The following PKD1 variants were observed in gnomAD, a reference collection of about 807,000 sequenced individuals.
The protein encoded by PKD1 is polycystin-1.
In PKD1, 81 loss-of-function variants were observed where a neutral mutation model predicts 361.7. The ratio of observed to expected loss-of-function variants is 0.22; its 90% CI spans 0.19 to 0.27. The LOEUF is 0.27. Among genes scored for constraint, PKD1 ranks in the 10% least tolerant of loss-of-function variants. PKD1 has a pLI of 1.00. For missense variants in PKD1, 6,399 were observed against 6,118.3 expected (o/e 1.05, Z -1.53); for synonymous variants, 3,615 against 2,818.3 (o/e 1.28, Z -8.95).
At chr16:2,127,778 G>A (rs1025637774) in intron 1 of PKD1, among the ~76,000 whole-genome samples, 2 of 151,218 alleles carry the variant, frequency 1.3e-5, no homozygotes, top group East Asian at 2.0e-4. Context: ...CACACCAGAG[G>A]TGGAGGCGCT....
rs1211697062 is a variant in PKD1 at position 2,102,383 on chromosome 16, G to A, written c.9199C>T (p.Pro3067Ser). 15 of 1,556,142 alleles carry A rather than the reference G, an allele frequency of 9.6e-6. No homozygotes were observed. Among genetic ancestry groups the A allele is most frequent in the African/African-American group, 2.7e-5 (2 of 73,348 alleles). The change falls in exon 25 of 46, where the codon CCT becomes TCT. Residue 3067 changes from proline (P) to serine (S), a missense_variant and splice_region_variant. Coordinates refer to ENST00000262304, the MANE Select transcript of PKD1 (RefSeq NM_001009944.3). Reference protein sequence around the residue: ...VPPSHVRFVFPEPTADVNYIV... With the variant: ...VPPSHVRFVFSEPTADVNYIV... Reference sequence around the variant, plus strand: ...CCCAGGAGCACAGGGTCACTCACAGGAAACACAAAGCGGACATGGCTTGGG... The same window carrying A: ...CCCAGGAGCACAGGGTCACTCACAGAAAACACAAAGCGGACATGGCTTGGG...
chr16:2,090,821 A>C lies in PKD1; in HGVS notation c.12004-13T>G, dbSNP rs756774732. ...GCTGCTGGGCAGCCTGCGGACGAGA[A>C]ATCTGTCTGCTTGCAGCCCTGGGGT... is the stretch of plus-strand genomic sequence containing the variant. On this transcript the variant is annotated splice_polypyrimidine_tract_variant and intron_variant, in intron 43 of 45. Transcript: ENST00000262304. 9.3e-6 allele frequency: 15 copies of C among 1,612,052 alleles called. No homozygotes were observed. In the Admixed American group the frequency reaches 2.5e-4, roughly 27 times the overall value.
Position 2,089,625 on chromosome 16 carries a change from C to A in PKD1, c.*102G>T. The A allele has an allele frequency of 7.1e-7, 1 of 1,401,570 alleles. No individual in the cohort carries two copies. Among genetic ancestry groups the A allele is most frequent in the Non-Finnish European group, 9.8e-7 (1 of 1,021,660 alleles). 86.8% of individuals were successfully genotyped at this position (1,401,570 alleles called of 1,614,324 possible). ...CCCTGCCTGCTCTCTGGGGAACCTA[C>A]GTGCAGCCATTCTGCCTGGCCCTCG... On this transcript the variant is annotated 3_prime_UTR_variant, in exon 46 of 46. Coordinates refer to ENST00000262304, the MANE Select transcript of PKD1 (RefSeq NM_001009944.3).
chr16:2,118,653 T>C lies in PKD1; in HGVS notation c.529+23A>G, dbSNP rs1222665450. On this transcript the variant is annotated intron_variant, in intron 4 of 45. Coordinates refer to ENST00000262304, the MANE Select transcript of PKD1 (RefSeq NM_001009944.3). The surrounding 1 kb of genome is among the most constrained non-coding windows in gnomAD (Gnocchi z 6.0). ...CCCACCTGGCTGGGAAGGACAGAGCTGGCCCCACCCACCGGCACTCACCAC... is the reference window on the plus strand; with the variant it reads ...CCCACCTGGCTGGGAAGGACAGAGCCGGCCCCACCCACCGGCACTCACCAC... 4 of 1,331,004 alleles carry C rather than the reference T, an allele frequency of 3.0e-6. No homozygotes were observed. The African/African-American group carries it at 4.3e-5, about 14-fold the overall frequency. 82.4% of individuals were successfully genotyped at this position (1,331,004 alleles called of 1,614,324 possible). A position where few individuals can be genotyped will look rare whatever the true frequency, so the allele number is the denominator to read the frequency against.
Position 2,110,360 on chromosome 16 carries a change from A to G in PKD1, c.4807T>C (p.Ser1603Pro). The G allele has an allele frequency of 1.9e-6, 3 of 1,612,538 alleles. No homozygotes were observed. Among genetic ancestry groups the G allele is most frequent in the Non-Finnish European group, 2.5e-6 (3 of 1,179,828 alleles). ...ACGATGATATTGAAGGTGCCCACGG[A>G]GCGGAAGGTGTAAGAGATGGTAGGA... ...GGPTISYTFR[S>P]VGTFNIIVTA... Residue 1603 changes from serine (S) to proline (P), a missense_variant, in exon 15 of 46, where the codon TCC becomes CCC. Physicochemically the swap from Ser to Pro is moderately conservative, Grantham distance 74. Transcript: ENST00000262304.
chr16:2,130,045 C>T (rs1390041806), intron 1 of PKD1, among the ~76,000 whole-genome samples: 2 of 152,186 alleles, frequency 1.3e-5, no homozygotes, highest in South Asian at 2.1e-4. Flanking sequence ...CCACCCCTGC[C>T]GGCAATCGCG....
At position 2,093,529 on chromosome 16, in the gene PKD1, C is replaced by T. The variant is rs376036461; in HGVS notation, c.11016+15G>A. The T allele has an allele frequency of 8.2e-5, 130 of 1,586,896 alleles. No homozygotes were observed. Among genetic ancestry groups the T allele is most frequent in the Non-Finnish European group, 1.0e-4 (122 of 1,166,608 alleles). On this transcript the variant is annotated intron_variant, in intron 37 of 45. Transcript: ENST00000262304. ...AGACGGAGGTGGCAGGGGCACAGGC[C>T]GCACCCAGGCTCACCCGCAGCATGC...
Position 2,090,868 on chromosome 16 carries a change from C to G in PKD1, c.12003+16G>C. The G allele has an allele frequency of 6.2e-7, 1 of 1,606,468 alleles. No homozygotes were observed. Among genetic ancestry groups the G allele is most frequent in the Non-Finnish European group, 8.5e-7 (1 of 1,179,704 alleles). ...GGGTGTGCGCCCAGCCCCGCGCCCA[C>G]CGGCCCAGCCCTCACCTTGACCAAA... On this transcript the variant is annotated intron_variant, in intron 43 of 45. Transcript: ENST00000262304.
rs1300156717 is a variant in PKD1 at position 2,111,838 on chromosome 16, G to A, written c.3329C>T (p.Ala1110Val). ...EYLLTVLASN[A>V]FENLTQQVPV... ...CACCTGCTGCGTCAGGTTCTCGAAG[G>A]CATTAGATGCCAGCACGGTCAGGAG... The change falls in exon 15 of 46, where the codon GCC becomes GTC. Residue 1110 changes from alanine (A) to valine (V), a missense_variant. By Grantham distance (64) the Ala-to-Val change is moderately conservative. Coordinates refer to ENST00000262304, the MANE Select transcript of PKD1 (RefSeq NM_001009944.3). 1 of 1,610,278 alleles carries A rather than the reference G, an allele frequency of 6.2e-7. No individual in the cohort carries two copies. The highest frequency in any genetic ancestry group is 8.5e-7 in the Non-Finnish European group (1 of 1,179,534).
In PKD1 at chr16:2,111,855, G is replaced by C. The variant is rs768062013; in HGVS notation, c.3312C>G (p.Thr1104=). The change falls in exon 15 of 46, where the codon ACC becomes ACG. Residue 1104 remains threonine, a synonymous_variant. Coordinates refer to ENST00000262304, the MANE Select transcript of PKD1 (RefSeq NM_001009944.3). ...TYAAPGEYLL[T]VLASNAFENL... is the part of the protein sequence containing the mutation. ...TCTCGAAGGCATTAGATGCCAGCAC[G>C]GTCAGGAGGTACTCACCTGTGGGGA... The C allele has an allele frequency of 1.2e-6, 2 of 1,610,232 alleles. No individual in the cohort carries two copies. Among genetic ancestry groups the C allele is most frequent in the Non-Finnish European group, 1.7e-6 (2 of 1,179,522 alleles).
Position 2,088,800 on chromosome 16 carries a change from T to G in PKD1, c.*927A>C, listed in dbSNP as rs1477348800. ...CTAGAAGCGGCCATGCCCACAGAAGTGGTACACAGAAGCAGGCACAGCCAG... is the reference window on the plus strand; with the variant it reads ...CTAGAAGCGGCCATGCCCACAGAAGGGGTACACAGAAGCAGGCACAGCCAG... On this transcript the variant is annotated 3_prime_UTR_variant, in exon 46 of 46. Coordinates refer to ENST00000262304, the MANE Select transcript of PKD1 (RefSeq NM_001009944.3). The G allele has an allele frequency of 2.6e-6, 2 of 773,220 alleles. No homozygotes were observed. Among genetic ancestry groups the G allele is most frequent in the East Asian group, 5.4e-5 (2 of 36,746 alleles). The allele number at this position is 773,220 out of a possible 1,614,324, so 47.9% of individuals were successfully genotyped here.
chr16:2,113,092 G>C, intron 12 of PKD1, 69 bp downstream of exon 12: 1 of 1,022,186 alleles, frequency 9.8e-7, no homozygotes, highest in East Asian at 2.6e-5. Flanking sequence ...AGAAGGCAGA[G>C]GTGAAGGTGG....
At chr16:2,104,382 G>A (rs1192186033) in intron 22 of PKD1, 116 bp downstream of exon 22, 2 of 593,062 alleles carry the variant, frequency 3.4e-6, no homozygotes, top group Non-Finnish European at 5.9e-6. Flanking sequence ...GAATTGGGGG[G>A]AGGGGAGGGG....
At position 2,093,702 on chromosome 16, in the gene PKD1, T is replaced by G; in HGVS notation, c.10858A>C (p.Lys3620Gln). 1 of 1,597,168 alleles carries G rather than the reference T, an allele frequency of 6.3e-7. No homozygotes were observed. Among genetic ancestry groups the G allele is most frequent in the Non-Finnish European group, 8.5e-7 (1 of 1,171,444 alleles). ...LEALYFSLVAKRLHPDEDDTL... is the reference protein window; with the variant it reads ...LEALYFSLVAQRLHPDEDDTL... ...TCATCTTCATCCGGGTGCAGCCGCTTGGCCACCAGTGAGAAGTACAGGGCT... is the reference window on the plus strand; with the variant it reads ...TCATCTTCATCCGGGTGCAGCCGCTGGGCCACCAGTGAGAAGTACAGGGCT... Residue 3620 changes from lysine (K) to glutamine (Q), a missense_variant, in exon 37 of 46, where the codon AAG becomes CAG. By Grantham distance (53) the Lys-to-Gln change is moderately conservative. Coordinates refer to ENST00000262304, the MANE Select transcript of PKD1 (RefSeq NM_001009944.3).
Position 2,118,156 on chromosome 16 carries a change from C to T in PKD1, c.836G>A (p.Gly279Glu). The T allele has an allele frequency of 1.3e-6, 2 of 1,581,250 alleles. No individual in the cohort carries two copies. The highest frequency in any genetic ancestry group is 1.7e-6 in the Non-Finnish European group (2 of 1,166,348). ...GCCAGAGGCCAGAGGTCCGTGGGGC[C>T]CCACCAGGGTGGCCCCTGGGGAGGC... ...FPASPGATLV[G>E]PHGPLASGQL... Residue 279 changes from glycine to glutamate, a missense_variant, in exon 5 of 46, where the codon GGG becomes GAG. Transcript: ENST00000262304. This position sits in a 1 kb window ranked among gnomAD's most constrained non-coding sequence, Gnocchi z 6.0.
chr16:2,092,648 T>A, intron 38 of PKD1, 56 bp from the exon 39 acceptor site: 2 of 1,257,196 alleles, frequency 1.6e-6, no homozygotes, highest in Admixed American at 3.8e-5. Flanking sequence ...CCGCCTCGAG[T>A]GAGCGGCCAC....
chr16:2,105,253 G>C (rs552038408), intron 21 of PKD1, 69 bp downstream of exon 21: 1 of 1,537,336 alleles, frequency 6.5e-7, no homozygotes, highest in Admixed American at 1.8e-5. Context: ...CTGCCCGTCT[G>C]CCCTGGGGGG....
chr16:2,115,205 C>G, intron 10 of PKD1, 173 bp downstream of exon 10: 2 of 577,986 alleles, frequency 3.5e-6, no homozygotes, highest in Non-Finnish European at 4.4e-6. Flanking sequence ...GCGAGAGCTT[C>G]TCCCACTGGG....
chr16:2,111,778 G>A lies in PKD1; in HGVS notation c.3389C>T (p.Ala1130Val). The A allele has an allele frequency of 6.2e-7, 1 of 1,607,842 alleles. No individual in the cohort carries two copies. The highest frequency in any genetic ancestry group is 8.5e-7 in the Non-Finnish European group (1 of 1,178,582). The change falls in exon 15 of 46, where the codon GCT (alanine) becomes GTT (valine). Residue 1130 changes from alanine (A) to valine (V), a missense_variant. Coordinates refer to ENST00000262304, the MANE Select transcript of PKD1 (RefSeq NM_001009944.3). The stretch of plus-strand genomic sequence containing the variant: ...CAGGACGCCGTCACTCACACCCACA[G>A]CCACGGAGGGCAGGGAGGCGCGCAC... ...VSVRASLPSV[A>V]VGVSDGVLVA...
Sources: gnomAD v4.1 joint callset for allele counts (sites outside exome capture counted in the v4.1 genomes callset) on GRCh38, gnomAD v4.1.1 for gene constraint, Gnocchi (gnomAD v3.1) non-coding constraint, MANE v1.5 for transcripts, NCBI Gene and HGNC (gene_info 2026-07-23, HGNC 2026-07-21) for gene names.